Variants in UBR1 observed in about 807,000 individuals in gnomAD.
UBR1 encodes ubiquitin protein ligase E3 component n-recognin 1, also known as E3 ubiquitin-protein ligase UBR1.
A neutral mutation model predicts 242.1 loss-of-function variants in UBR1; 102 were observed. That is an observed-to-expected ratio of 0.42 (90% confidence interval 0.36 to 0.50). UBR1 has a LOEUF of 0.50. UBR1 is among the 20% of genes least tolerant of loss of function. The pLI is 0.01. For synonymous variants in UBR1, 675 were observed against 684.8 expected, an observed-to-expected ratio of 0.99 and a Z score of 0.22; for missense variants, 1,772 against 2,101.8, an observed-to-expected ratio of 0.84 and a Z score of 3.07.
At chr15:42,992,178 T>C (rs1487980027) in intron 33 of UBR1, among the ~76,000 whole-genome samples, 2 of 152,228 alleles carry the variant, frequency 1.3e-5, no homozygotes, top group African/African-American at 2.4e-5. Flanking sequence ...TTTCAACTCT[T>C]TCAAGAGTGT....
intron 27 of UBR1, among the ~76,000 whole-genome samples, chr15:43,017,443 A>C (rs1221912801): frequency 6.6e-6 from 1 of 152,212 alleles, no homozygotes; most frequent in African/African-American, 2.4e-5. Context: ...AGCTTTCAAG[A>C]GATTTGCCAG....
In UBR1 at chr15:42,964,007, T is replaced by A. The variant is rs774750942; in HGVS notation, c.4628A>T (p.Tyr1543Phe). 5 of 1,613,476 alleles carry A rather than the reference T, an allele frequency of 3.1e-6. No individual in the cohort carries two copies. Among genetic ancestry groups the A allele is most frequent in the Non-Finnish European group, 4.2e-6 (5 of 1,179,634 alleles). ...GAACAAATTTGTAGGTAAAGATAGA[T>A]AGCTACAGAGTGCACTGTACTCTCC... Reference protein sequence around the residue: ...AEGEYSALCSYLSLPTNLFLL... With the variant: ...AEGEYSALCSFLSLPTNLFLL... Residue 1543 changes from tyrosine to phenylalanine, a missense_variant, in exon 42 of 47, where the codon TAT (tyrosine) becomes TTT (phenylalanine). Physicochemically the swap from Tyr to Phe is conservative, Grantham distance 22. This residue lies in a region of UBR1 where 965 missense variants were observed against 1,079.7 expected (regional missense o/e 0.89). Transcript: ENST00000290650.
intron 39 of UBR1, among the ~76,000 whole-genome samples, chr15:42,973,138 G>T (rs1425186575): frequency 2.6e-5 from 4 of 152,308 alleles, no homozygotes; most frequent in Non-Finnish European, 5.9e-5. Flanking sequence ...TATATCTTCT[G>T]TGGTGAGGTG....
chr15:43,030,193 G>T, intron 20 of UBR1, 125 bp from the exon 21 acceptor site: 1 of 1,101,358 alleles, frequency 9.1e-7, no homozygotes, highest in Non-Finnish European at 1.3e-6. Flanking sequence ...AGGGGCAAAA[G>T]TTATTTGAAT....
chr15:43,070,200 T>C (rs2033807183), intron 5 of UBR1, among the ~76,000 whole-genome samples: 1 of 146,358 alleles, frequency 6.8e-6, no homozygotes, highest in African/African-American at 2.6e-5. Flanking sequence ...GAGCAAATAT[T>C]ACTGTCACTG....
At position 43,009,934 on chromosome 15, in the gene UBR1, G is replaced by A. The variant is rs538121269; in HGVS notation, c.3210-2650C>T. ...TTGCCGGGCTGGAGTGCAGTGGCGCGATCTCGGCTCACTGCAATCTCTGCC... is the reference window on the plus strand; with the variant it reads ...TTGCCGGGCTGGAGTGCAGTGGCGCAATCTCGGCTCACTGCAATCTCTGCC... On this transcript the variant is annotated intron_variant, in intron 29 of 46. Coordinates refer to ENST00000290650, the MANE Select transcript of UBR1 (RefSeq NM_174916.3). Among the ~76,000 whole-genome samples, 143 of 152,274 alleles carry A rather than the reference G, an allele frequency of 9.4e-4. 1 individual carries two copies. Among genetic ancestry groups the A allele is most frequent in the African/African-American group, 3.3e-3 (138 of 41,556 alleles).
intron 33 of UBR1, among the ~76,000 whole-genome samples, chr15:42,996,598 AC>A (rs893127858): frequency 6.6e-6 from 1 of 152,056 alleles, no homozygotes; most frequent in African/African-American, 2.4e-5. Flanking sequence ...AAACAAAAAA[AC>A]AACAAACCCC....
At chr15:43,077,111 G>A (rs371844942) in intron 3 of UBR1, among the ~76,000 whole-genome samples, 20 of 130,690 alleles carry the variant, frequency 1.5e-4, no homozygotes, top group African/African-American at 2.5e-4. Flanking sequence ...CTGGGAAGTG[G>A]GGAGCCCCTC....
chr15:42,947,859 C>T (rs1405137218), intron 46 of UBR1, among the ~76,000 whole-genome samples: 1 of 152,116 alleles, frequency 6.6e-6, no homozygotes, highest in African/African-American at 2.4e-5. Context: ...GCCATACTGC[C>T]CAAGGTAATT....
chr15:43,009,490 T>G (rs898851126), intron 29 of UBR1, among the ~76,000 whole-genome samples: 10 of 152,106 alleles, frequency 6.6e-5, no homozygotes, highest in African/African-American at 2.4e-4. Context: ...GTAGTGTCAG[T>G]CAAGTGCAGC....
At chr15:43,019,075 T>G (rs966258556) in intron 27 of UBR1, among the ~76,000 whole-genome samples, 1 of 152,222 alleles carries the variant, frequency 6.6e-6, no homozygotes, top group Non-Finnish European at 1.5e-5. Flanking sequence ...TATCTTTTTT[T>G]TTTTGAGACG....
chr15:43,048,076 A>G (rs1313298847), intron 13 of UBR1, among the ~76,000 whole-genome samples: 1 of 152,048 alleles, frequency 6.6e-6, no homozygotes, highest in African/African-American at 2.4e-5. Context: ...AATCCCAGCT[A>G]CTTGGGAGAC....
At chr15:43,092,789 T>C (rs1204169641) in intron 1 of UBR1, among the ~76,000 whole-genome samples, 1 of 152,198 alleles carries the variant, frequency 6.6e-6, no homozygotes. Flanking sequence ...CTTGACCTTG[T>C]GATCCGCCTG....
At chr15:42,946,977 G>A (rs1351003729) in intron 46 of UBR1, among the ~76,000 whole-genome samples, 1 of 151,872 alleles carries the variant, frequency 6.6e-6, no homozygotes, top group Non-Finnish European at 1.5e-5. Context: ...GTAAAACCCC[G>A]TCACTACTAA....
intron 40 of UBR1, among the ~76,000 whole-genome samples, chr15:42,968,670 T>G (rs867202686): frequency 5.3e-5 from 8 of 152,022 alleles, no homozygotes; most frequent in Admixed American, 1.3e-4. Context: ...ATCCCTCCCC[T>G]TTTCCCCCAG....
At chr15:43,036,478 T>A (rs1272882130) in intron 18 of UBR1, 50 bp downstream of exon 18, 4 of 1,389,612 alleles carry the variant, frequency 2.9e-6, no homozygotes, top group Non-Finnish European at 3.1e-6. Flanking sequence ...TAGAAAGAAT[T>A]CAAGAAGGAA....
At chr15:42,994,871 C>G in intron 33 of UBR1, among the ~76,000 whole-genome samples, 1 of 152,160 alleles carries the variant, frequency 6.6e-6, no homozygotes, top group Non-Finnish European at 1.5e-5. Context: ...CTCACTCTTG[C>G]AATCTATCTG....
In UBR1 at chr15:42,970,726, C is replaced by CTT. The variant is rs879184221; in HGVS notation, c.4370-121_4370-120dup. 1,599 of 733,556 alleles carry CTT rather than the reference C, an allele frequency of 2.2e-3. 3 individuals are homozygous for CTT. The highest frequency in any genetic ancestry group is 0.011 in the African/African-American group (572 of 53,434). The allele number at this position is 733,556 out of a possible 1,614,324, so 45.4% of individuals were successfully genotyped here. On this transcript the variant is annotated intron_variant, in intron 39 of 46. Transcript: ENST00000290650. ...AGATTCATTCAACTGAGGTTCTTTCCTTTTTTTTTTTTTGAGACAGAGTTT... is the reference window on the plus strand; with the variant it reads ...AGATTCATTCAACTGAGGTTCTTTCCTTTTTTTTTTTTTTTGAGACAGAGTTT...
chr15:42,955,580 G>A (rs2031905130), intron 44 of UBR1, among the ~76,000 whole-genome samples: 1 of 152,104 alleles, frequency 6.6e-6, no homozygotes, highest in African/African-American at 2.4e-5. Context: ...GTTTGCTATG[G>A]GAGGTGATAT....
Sources: allele counts gnomAD v4.1 joint callset (sites outside exome capture counted in the v4.1 genomes callset), GRCh38; gene constraint gnomAD v4.1.1; regional missense constraint gnomAD v4.1.1; transcripts MANE v1.5; gene names NCBI Gene and HGNC (gene_info 2026-07-23, HGNC 2026-07-21).